DDX60: variants seen among roughly 807,000 people sequenced by gnomAD.
DDX60 encodes the protein probable ATP-dependent RNA helicase DDX60.
In DDX60, 165 loss-of-function variants were observed where a neutral mutation model predicts 212.8. The observed-to-expected ratio is 0.78, with a 90% CI of 0.68 to 0.88. The LOEUF is 0.88. Ranked by LOEUF, DDX60 falls within the 40% of genes least tolerant of loss-of-function variation. The probability of loss-of-function intolerance (pLI) is 0.00; values close to 1 mark genes in which losing one functional copy is unlikely to be tolerated. For synonymous variants in DDX60, 703 were observed against 685.3 expected (o/e 1.03, Z -0.40); for missense variants, 1,905 against 2,003.9 (o/e 0.95, Z 0.94).
intron 33 of DDX60, among the ~76,000 whole-genome samples, chr4:168,234,239 G>A (rs1733554407): frequency 6.6e-6 from 1 of 151,852 alleles, no homozygotes; most frequent in East Asian, 1.9e-4. Context: ...ACTATGGTGT[G>A]TTATCTTTAA....
intron 6 of DDX60, among the ~76,000 whole-genome samples, chr4:168,297,386 A>AAGAAAGAAAGAAAGAAAG (rs1560870739): frequency 4.3e-5 from 5 of 115,416 alleles, no homozygotes; most frequent in South Asian, 2.9e-4. Flanking sequence ...AAGAAAGAGA[A>AAGAAAGAAAGAAAGAAAG]AGAAAGAAAG....
chr4:168,221,257 G>C (rs1484193678), intron 36 of DDX60, among the ~76,000 whole-genome samples: 1 of 152,006 alleles, frequency 6.6e-6, no homozygotes, highest in Non-Finnish European at 1.5e-5. Context: ...CTTCATCCTG[G>C]ATAAATCCAA....
At position 168,225,514 on chromosome 4, in the gene DDX60, G is replaced by T. The variant is rs1286329404; in HGVS notation, c.4681+15C>A. 5.7e-6 allele frequency: 9 copies of T among 1,589,976 alleles called. No individual in the cohort carries two copies. The South Asian group carries it at 9.2e-5, about 16-fold the overall frequency. ...TTCTTCAAATTGTTCCACAATGGAG[G>T]TAAAATATACTTACTGATTTTTGAC... On this transcript the variant is annotated intron_variant, in intron 34 of 37. Transcript: ENST00000393743.
intron 6 of DDX60, among the ~76,000 whole-genome samples, chr4:168,296,458 A>G (rs888091434): frequency 1.3e-5 from 2 of 152,098 alleles, no homozygotes. Flanking sequence ...GAAGAATTTG[A>G]GGGCTCTGCA....
intron 13 of DDX60, among the ~76,000 whole-genome samples, chr4:168,280,803 T>C (rs1263544264): frequency 2.6e-5 from 4 of 152,234 alleles, no homozygotes; most frequent in Non-Finnish European, 5.9e-5. Flanking sequence ...AGGCTCTCTG[T>C]AGATAATTTT....
intron 17 of DDX60, among the ~76,000 whole-genome samples, 159 bp downstream of exon 17, chr4:168,273,775 G>C (rs142520707): frequency 1.3e-5 from 2 of 152,128 alleles, no homozygotes; most frequent in Non-Finnish European, 2.9e-5. Context: ...GTGTATGTAT[G>C]TGTATATGTA....
intron 30 of DDX60, among the ~76,000 whole-genome samples, chr4:168,239,670 C>T (rs79294457): frequency 5.9e-5 from 9 of 151,716 alleles, no homozygotes; most frequent in Admixed American, 3.3e-4. Context: ...GTCTCAGGGA[C>T]GATCTTAGAA....
intron 33 of DDX60, 83 bp from the exon 34 acceptor site, chr4:168,225,759 C>G: frequency 7.9e-7 from 1 of 1,270,454 alleles, no homozygotes; most frequent in Non-Finnish European, 1.1e-6. Context: ...AGGTAAAGAA[C>G]ATTGCAATAT....
intron 6 of DDX60, among the ~76,000 whole-genome samples, chr4:168,295,956 T>C (rs1736322534): frequency 6.6e-6 from 1 of 151,944 alleles, no homozygotes; most frequent in Non-Finnish European, 1.5e-5. Context: ...TCTAACGAAG[T>C]TGAACTCATA....
intron 25 of DDX60, among the ~76,000 whole-genome samples, chr4:168,260,532 C>T (rs1363071683): frequency 2.6e-5 from 4 of 152,156 alleles, no homozygotes; most frequent in Non-Finnish European, 4.4e-5. Context: ...CAGTGGGTGG[C>T]GGTGGGGAAG....
chr4:168,241,414 C>T (rs1241253221), intron 30 of DDX60, among the ~76,000 whole-genome samples: 1 of 152,146 alleles, frequency 6.6e-6, no homozygotes. Flanking sequence ...TTGGAACTCC[C>T]TAAAGACTTC....
intron 26 of DDX60, among the ~76,000 whole-genome samples, chr4:168,255,196 A>C (rs1734356108): frequency 6.6e-6 from 1 of 152,178 alleles, no homozygotes; most frequent in African/African-American, 2.4e-5. Context: ...AGTTGACAGA[A>C]TTAGACATTG....
At chr4:168,272,682 G>A (rs1358216796) in intron 18 of DDX60, among the ~76,000 whole-genome samples, 3 of 152,214 alleles carry the variant, frequency 2.0e-5, no homozygotes, top group African/African-American at 4.8e-5. Flanking sequence ...GGTAGAGACT[G>A]TGGAGGCAGA....
intron 5 of DDX60, among the ~76,000 whole-genome samples, chr4:168,303,414 C>A (rs1343899652): frequency 6.6e-6 from 1 of 151,934 alleles, no homozygotes; most frequent in Non-Finnish European, 1.5e-5. Context: ...AATAACAGTA[C>A]TTCCTTCCAA....
chr4:168,308,757 A>G (rs1000794293), intron 3 of DDX60, among the ~76,000 whole-genome samples: 4 of 149,180 alleles, frequency 2.7e-5, no homozygotes, highest in African/African-American at 9.8e-5. Context: ...TGATACATAG[A>G]TATATACTGA....
intron 1 of DDX60, among the ~76,000 whole-genome samples, chr4:168,314,011 TC>T: frequency 6.6e-6 from 1 of 152,288 alleles, no homozygotes; most frequent in East Asian, 1.9e-4. Context: ...ATCAAGGGAT[TC>T]CGTAGCCTGC....
At chr4:168,226,895 G>C (rs1733274149) in intron 33 of DDX60, among the ~76,000 whole-genome samples, 1 of 151,948 alleles carries the variant, frequency 6.6e-6, no homozygotes, top group African/African-American at 2.4e-5. Context: ...AGGGTAGCTG[G>C]GGGACGGAGA....
At chr4:168,323,060 T>A (rs1197542377), upstream of DDX60, among the ~76,000 whole-genome samples, 2 of 152,158 alleles carry the variant, frequency 1.3e-5, no homozygotes, top group African/African-American at 2.4e-5. Flanking sequence ...AGCCCAGAAC[T>A]ACTGGTTAGG....
chr4:168,254,630 A>C (rs966587531), intron 26 of DDX60, among the ~76,000 whole-genome samples: 3 of 152,232 alleles, frequency 2.0e-5, no homozygotes, highest in African/African-American at 7.2e-5. Context: ...ATTTAGGAAA[A>C]AGAAATACAT....
Sources: gnomAD v4.1 joint callset for allele counts (sites outside exome capture counted in the v4.1 genomes callset) on GRCh38, gnomAD v4.1.1 for gene constraint, MANE v1.5 for transcripts, NCBI Gene and HGNC (gene_info 2026-07-23, HGNC 2026-07-21) for gene names.